Variants in CCSER1 observed in about 807,000 individuals in gnomAD.
The protein encoded by CCSER1 is coiled-coil serine rich protein 1.
CCSER1 carries 41 observed loss-of-function variants against 82.0 expected under a neutral mutation model. The observed-to-expected ratio is 0.50, with a 90% CI of 0.39 to 0.65. CCSER1 has a LOEUF of 0.65. Ranked by LOEUF, CCSER1 falls within the 30% of genes least tolerant of loss-of-function variation. The pLI is 0.00. For missense variants in CCSER1, 1,119 were observed against 1,064.2 expected (o/e 1.05, Z -0.72); for synonymous variants, 414 against 383.9 (o/e 1.08, Z -0.92).
In CCSER1 at chr4:90,161,320, G is replaced by A. The variant is rs887880080; in HGVS notation, c.-42+33489G>A. Among the ~76,000 whole-genome samples, 12 of 151,992 alleles carry A rather than the reference G, an allele frequency of 7.9e-5. No individual in the cohort carries two copies. In the South Asian group the frequency reaches 1.4e-3, roughly 18 times the overall value. On this transcript the variant is annotated intron_variant, in intron 1 of 10. Coordinates refer to ENST00000509176, the MANE Select transcript of CCSER1 (RefSeq NM_001145065.2). ...TTATTTAGCACTAATTCTGTTTCAGGTACTGTTCTAATGTCTTACACATAA... is the reference window on the plus strand; with the variant it reads ...TTATTTAGCACTAATTCTGTTTCAGATACTGTTCTAATGTCTTACACATAA...
At chr4:90,760,493 A>T (rs2149517601) in intron 7 of CCSER1, among the ~76,000 whole-genome samples, 1 of 152,122 alleles carries the variant, frequency 6.6e-6, no homozygotes, top group African/African-American at 2.4e-5. Flanking sequence ...AAATAACAAA[A>T]AGTAAATCCA....
chr4:90,877,727 C>T (rs1165770235), intron 8 of CCSER1, among the ~76,000 whole-genome samples: 1 of 148,872 alleles, frequency 6.7e-6, no homozygotes, highest in South Asian at 2.1e-4. Flanking sequence ...AAAAAAAAAA[C>T]AGAAGTAAAC....
intron 10 of CCSER1, among the ~76,000 whole-genome samples, chr4:91,340,539 T>C (rs1020317167): frequency 1.3e-5 from 2 of 152,124 alleles, no homozygotes; most frequent in Non-Finnish European, 2.9e-5. Context: ...AGTAATTAAG[T>C]CTTAATAGTG....
At chr4:91,025,066 A>G (rs1258903051) in intron 9 of CCSER1, among the ~76,000 whole-genome samples, 3 of 152,136 alleles carry the variant, frequency 2.0e-5, no homozygotes, top group Admixed American at 2.0e-4. Flanking sequence ...GTTTAAGGTG[A>G]AATGTTGCTA....
intron 8 of CCSER1, among the ~76,000 whole-genome samples, chr4:90,848,906 GC>G (rs1763519964): frequency 6.6e-6 from 1 of 152,188 alleles, no homozygotes; most frequent in Non-Finnish European, 1.5e-5. Flanking sequence ...TTTCTCTCCT[GC>G]CACCCTGTGG....
At chr4:90,809,619 A>G (rs1757986576) in intron 7 of CCSER1, among the ~76,000 whole-genome samples, 1 of 152,136 alleles carries the variant, frequency 6.6e-6, no homozygotes, top group Non-Finnish European at 1.5e-5. Flanking sequence ...CTAAAATCCT[A>G]GACTTCACCA....
intron 7 of CCSER1, among the ~76,000 whole-genome samples, chr4:90,731,324 T>C (rs138097982): frequency 5.3e-5 from 8 of 152,316 alleles, no homozygotes; most frequent in African/African-American, 1.7e-4. Context: ...TTTGGTTGGC[T>C]TAATTGTGTT....
Position 90,563,356 on chromosome 4 carries a change from C to T in CCSER1, c.1725-64669C>T, listed in dbSNP as rs551254192. 1.1e-4 allele frequency among the ~76,000 whole-genome samples: 16 copies of T among 150,426 alleles called. No individual in the cohort carries two copies. In the East Asian group the frequency reaches 2.3e-3, roughly 22 times the overall value. ...CGATCTCTTGACCTTGTGATTTGCC[C>T]GCCTCAGGCTCCCAAAGTGCTGGGA... On this transcript the variant is annotated intron_variant, in intron 5 of 10. Coordinates refer to ENST00000509176, the MANE Select transcript of CCSER1 (RefSeq NM_001145065.2).
chr4:90,516,380 G>A (rs540953485), intron 5 of CCSER1, among the ~76,000 whole-genome samples: 1 of 152,282 alleles, frequency 6.6e-6, no homozygotes, highest in African/African-American at 2.4e-5. Context: ...TTATTTAAGG[G>A]ATGGTGTAGA....
intron 9 of CCSER1, among the ~76,000 whole-genome samples, chr4:91,031,172 C>T (rs1184717294): frequency 2.0e-5 from 3 of 152,176 alleles, no homozygotes; most frequent in African/African-American, 7.2e-5. Flanking sequence ...CGGACTATTA[C>T]AGATGTCACT....
chr4:90,389,439 A>G (rs1183745497), intron 3 of CCSER1, among the ~76,000 whole-genome samples: 2 of 152,208 alleles, frequency 1.3e-5, no homozygotes, highest in Admixed American at 1.3e-4. Context: ...ACATATTATA[A>G]AAAATGATGC....
intron 10 of CCSER1, among the ~76,000 whole-genome samples, chr4:91,546,466 T>G (rs1761894453): frequency 6.6e-6 from 1 of 152,152 alleles, no homozygotes; most frequent in Admixed American, 6.6e-5. Flanking sequence ...TGTATGAGGT[T>G]TGACAAATTG....
At chr4:90,240,136 T>C (rs1342205963) in intron 1 of CCSER1, among the ~76,000 whole-genome samples, 1 of 152,032 alleles carries the variant, frequency 6.6e-6, no homozygotes, top group Non-Finnish European at 1.5e-5. Flanking sequence ...AGATGGCCCA[T>C]AGTCATGGGG....
chr4:91,015,410 A>C (rs1739342963), intron 9 of CCSER1: 1 of 152,056 alleles, frequency 6.6e-6, no homozygotes, highest in African/African-American at 2.4e-5. Flanking sequence ...TTAGAGTCCT[A>C]ATTATTTAAA....
At chr4:90,302,027 A>G (rs1285529786) in intron 1 of CCSER1, among the ~76,000 whole-genome samples, 1 of 152,176 alleles carries the variant, frequency 6.6e-6, no homozygotes, top group Non-Finnish European at 1.5e-5. Flanking sequence ...ATAAATATGC[A>G]TCTCTAAAAG....
rs138860793 is a variant in CCSER1 at position 90,706,763 on chromosome 4, T to G, written c.1933-17151T>G. Among the ~76,000 whole-genome samples the G allele has an allele frequency of 1.6e-4, 24 of 152,360 alleles. No individual in the cohort carries two copies. In the East Asian group the frequency reaches 4.6e-3, roughly 29 times the overall value. On this transcript the variant is annotated intron_variant, in intron 6 of 10. Transcript: ENST00000509176. Reference sequence around the variant, plus strand: ...GTTGAAGTATATTCTTTCTGTTTATTCTGCTCATTCCCTTATGTAGTTTTT... The same window carrying G: ...GTTGAAGTATATTCTTTCTGTTTATGCTGCTCATTCCCTTATGTAGTTTTT...
chr4:90,611,987 TTAATA>T (rs1785561910), intron 5 of CCSER1, among the ~76,000 whole-genome samples: 1 of 151,680 alleles, frequency 6.6e-6, no homozygotes, highest in African/African-American at 2.4e-5. Flanking sequence ...ACACTCTTTC[TTAATA>T]TATCTCTTTT....
intron 1 of CCSER1, among the ~76,000 whole-genome samples, chr4:90,299,935 T>C (rs1732769138): frequency 6.6e-6 from 1 of 152,148 alleles, no homozygotes; most frequent in South Asian, 2.1e-4. Context: ...GCCATCATTT[T>C]CTTAATGTTA....
chr4:90,177,080 T>C (rs1243836101), intron 1 of CCSER1, among the ~76,000 whole-genome samples: 1 of 152,036 alleles, frequency 6.6e-6, no homozygotes, highest in Non-Finnish European at 1.5e-5. Flanking sequence ...CTTGTAAAAT[T>C]TACCATGATT....
Sources: allele counts gnomAD v4.1 joint callset (sites outside exome capture counted in the v4.1 genomes callset), GRCh38; gene constraint gnomAD v4.1.1; transcripts MANE v1.5; gene names NCBI Gene and HGNC (gene_info 2026-07-23, HGNC 2026-07-21).